Variants in CD96 observed in about 807,000 individuals in gnomAD.
CD96 encodes CD96 molecule, also known as T-cell surface protein tactile.
A neutral mutation model predicts 71.3 loss-of-function variants in CD96; 70 were observed. The ratio of observed to expected loss-of-function variants is 0.98; its 90% confidence interval spans 0.81 to 1.20. CD96 has a LOEUF of 1.20. CD96 is among the 50% of genes most tolerant of loss of function. CD96 has a pLI of 0.00. For synonymous variants in CD96, 248 were observed against 233.0 expected (o/e 1.06, Z -0.59); for missense variants, 742 against 677.5 (o/e 1.10, Z -1.06).
intron 2 of CD96, among the ~76,000 whole-genome samples, chr3:111,561,464 T>G (rs1447449299): frequency 1.4e-4 from 19 of 139,838 alleles, no homozygotes; most frequent in East Asian, 4.2e-4. Context: ...TGGAATACCC[T>G]GCCTTGTGAG....
intron 5 of CD96, chr3:111,593,480 A>G: frequency 1.3e-6 from 2 of 1,495,538 alleles, no homozygotes; most frequent in Middle Eastern, 1.8e-4. Context: ...TTGAGTTGAA[A>G]CTAAAATGGC....
At chr3:111,658,332 T>C (rs1284534901) in intron 14 of CD96, among the ~76,000 whole-genome samples, 3 of 152,096 alleles carry the variant, frequency 2.0e-5, no homozygotes, top group Admixed American at 6.5e-5. Flanking sequence ...GATAGCTATA[T>C]AGATAGGTAG....
chr3:111,635,972 T>C (rs1939307162), intron 10 of CD96, among the ~76,000 whole-genome samples: 1 of 152,234 alleles, frequency 6.6e-6, no homozygotes, highest in Non-Finnish European at 1.5e-5. Flanking sequence ...TATTGCTCTT[T>C]GGAAATCAAA....
intron 7 of CD96, among the ~76,000 whole-genome samples, chr3:111,604,098 A>G (rs906351477): frequency 1.3e-5 from 2 of 152,184 alleles, no homozygotes; most frequent in African/African-American, 4.8e-5. Context: ...AGAAGAAAGG[A>G]CCTAGCAAGC....
intron 5 of CD96, among the ~76,000 whole-genome samples, chr3:111,588,001 A>G (rs1034248177): frequency 6.6e-6 from 1 of 152,220 alleles, no homozygotes; most frequent in Admixed American, 6.5e-5. Flanking sequence ...TGCCCTGGAA[A>G]CATTTTCCCC....
chr3:111,568,724 C>T (rs80209101), intron 3 of CD96, among the ~76,000 whole-genome samples: 3,730 of 152,158 alleles, frequency 0.025, 167 homozygotes, highest in African/African-American at 0.085. Flanking sequence ...TGAGCTTTTT[C>T]TCATAACACG....
chr3:111,639,228 A>G (rs929089255), intron 12 of CD96, among the ~76,000 whole-genome samples: 15 of 152,138 alleles, frequency 9.9e-5, no homozygotes, highest in Non-Finnish European at 1.5e-4. Flanking sequence ...TAGCCTCACA[A>G]ATTTTCAAGC....
chr3:111,655,406 A>G (rs1940205189), downstream of CD96, among the ~76,000 whole-genome samples: 1 of 152,222 alleles, frequency 6.6e-6, no homozygotes, highest in Admixed American at 6.5e-5. Flanking sequence ...AGACATTTAA[A>G]CAAATATATA....
chr3:111,626,744 G>A (rs1938786853), intron 10 of CD96, among the ~76,000 whole-genome samples: 2 of 152,058 alleles, frequency 1.3e-5, no homozygotes, highest in South Asian at 2.1e-4. Context: ...ATATTAAAGA[G>A]CAATGAAAAA....
At chr3:111,574,395 T>G (rs74673134) in intron 3 of CD96, among the ~76,000 whole-genome samples, 5 of 152,288 alleles carry the variant, frequency 3.3e-5, no homozygotes, top group South Asian at 2.1e-4. Context: ...ATAATGTAAA[T>G]AGTCCAAAAT....
intron 8 of CD96, among the ~76,000 whole-genome samples, chr3:111,608,464 T>C (rs1937739441): frequency 1.3e-5 from 2 of 152,240 alleles, no homozygotes; most frequent in South Asian, 4.1e-4. Flanking sequence ...TTTAGAAGTG[T>C]CTGTAAATAA....
intron 8 of CD96, among the ~76,000 whole-genome samples, chr3:111,610,923 TA>T (rs1268085183): frequency 6.6e-6 from 1 of 152,134 alleles, no homozygotes; most frequent in Non-Finnish European, 1.5e-5. Context: ...ATGAAACTCA[TA>T]AGTATGGAGC....
At chr3:111,616,918 C>T (rs147290121) in intron 8 of CD96, among the ~76,000 whole-genome samples, 10 of 152,298 alleles carry the variant, frequency 6.6e-5, no homozygotes, top group Middle Eastern at 3.4e-3. Flanking sequence ...GGAACACCCC[C>T]GCTTCTGCAG....
At chr3:111,616,901 G>A (rs1293648619) in intron 8 of CD96, among the ~76,000 whole-genome samples, 1 of 152,158 alleles carries the variant, frequency 6.6e-6, no homozygotes, top group Non-Finnish European at 1.5e-5. Flanking sequence ...GCTCTCTTGA[G>A]GGCCTGGGAA....
intron 1 of CD96, 38 bp downstream of exon 1, chr3:111,542,347 G>T (rs769174658): frequency 6.8e-7 from 1 of 1,474,498 alleles, no homozygotes; most frequent in Non-Finnish European, 9.5e-7. Flanking sequence ...CGGATGGGCC[G>T]CTTTAGGGGC....
chr3:111,550,525 A>G (rs546038627), intron 2 of CD96, among the ~76,000 whole-genome samples: 2 of 152,224 alleles, frequency 1.3e-5, no homozygotes, highest in East Asian at 3.9e-4. Flanking sequence ...ATAAAATAAT[A>G]AACCAAGGTT....
chr3:111,550,751 A>G (rs1934660771), intron 2 of CD96, among the ~76,000 whole-genome samples: 1 of 152,130 alleles, frequency 6.6e-6, no homozygotes, highest in Non-Finnish European at 1.5e-5. Context: ...AGATTGAGGA[A>G]GGTTTGAAAC....
intron 2 of CD96, among the ~76,000 whole-genome samples, chr3:111,552,174 C>T (rs981566858): frequency 6.6e-6 from 1 of 151,754 alleles, no homozygotes; most frequent in African/African-American, 2.4e-5. Flanking sequence ...GTTTAAGTTC[C>T]TTTGTAGACA....
At chr3:111,611,548 G>A (rs948204337) in intron 8 of CD96, among the ~76,000 whole-genome samples, 4 of 152,188 alleles carry the variant, frequency 2.6e-5, no homozygotes, top group Admixed American at 2.0e-4. Context: ...TGACCCCTTT[G>A]CTAGTCATGC....
Sources: gnomAD v4.1 joint callset for allele counts (sites outside exome capture counted in the v4.1 genomes callset) on GRCh38, gnomAD v4.1.1 for gene constraint, MANE v1.5 for transcripts, NCBI Gene and HGNC (gene_info 2026-07-23, HGNC 2026-07-21) for gene names.